TTC33: variants seen among roughly 807,000 people sequenced by gnomAD.
The protein encoded by TTC33 is tetratricopeptide repeat domain 33.
In TTC33, 24 loss-of-function variants were observed where a neutral mutation model predicts 29.4. The ratio of observed to expected loss-of-function variants is 0.82; its 90% CI spans 0.59 to 1.15. The LOEUF is 1.15. Ranked by LOEUF, TTC33 falls within the 50% of genes most tolerant of loss-of-function variation. TTC33 has a pLI of 0.00. For missense variants in TTC33, 286 were observed against 310.4 expected, an observed-to-expected ratio of 0.92 and a Z score of 0.59; for synonymous variants, 107 against 100.3, an observed-to-expected ratio of 1.07 and a Z score of -0.40.
At chr5:40,750,601 C>T (rs559562979) in intron 1 of TTC33, among the ~76,000 whole-genome samples, 21 of 152,102 alleles carry the variant, frequency 1.4e-4, no homozygotes, top group Non-Finnish European at 2.2e-4. Flanking sequence ...TTTGCTGCAT[C>T]GACTGATTCT....
At chr5:40,737,649 A>G (rs1579684637) in intron 2 of TTC33, among the ~76,000 whole-genome samples, 1 of 152,222 alleles carries the variant, frequency 6.6e-6, no homozygotes, top group Admixed American at 6.5e-5. Flanking sequence ...GAGTTTTGAG[A>G]AATGTATATA....
At chr5:40,747,902 T>C (rs1370048449) in intron 1 of TTC33, among the ~76,000 whole-genome samples, 3 of 152,166 alleles carry the variant, frequency 2.0e-5, no homozygotes, top group African/African-American at 7.2e-5. Context: ...CTCGGATCAC[T>C]GCAACCTCTG....
At position 40,715,855 on chromosome 5, in the gene TTC33, A is replaced by T; in HGVS notation, c.*290T>A. On this transcript the variant is annotated 3_prime_UTR_variant, in exon 5 of 5. Transcript: ENST00000337702. ...TTCACTATTCAAGAATACATTTTTCAAGTTTTGTCTTTAAAATGTATTCAT... is the reference window on the plus strand; with the variant it reads ...TTCACTATTCAAGAATACATTTTTCTAGTTTTGTCTTTAAAATGTATTCAT... 3.6e-6 allele frequency: 1 copy of T among 281,244 alleles called. No homozygotes were observed. 17.4% of individuals were successfully genotyped at this position (281,244 alleles called of 1,614,324 possible).
intron 4 of TTC33, among the ~76,000 whole-genome samples, chr5:40,723,910 A>T (rs1197873145): frequency 6.6e-6 from 1 of 152,188 alleles, no homozygotes; most frequent in African/African-American, 2.4e-5. Context: ...CAGTGAGGTT[A>T]TGGAGAAACT....
intron 4 of TTC33, among the ~76,000 whole-genome samples, chr5:40,724,017 A>G (rs748095719): frequency 6.6e-6 from 1 of 152,222 alleles, no homozygotes; most frequent in Non-Finnish European, 1.5e-5. Flanking sequence ...TAATAAAGCT[A>G]TCTCATTTCT....
intron 4 of TTC33, among the ~76,000 whole-genome samples, chr5:40,722,703 C>G (rs1260210355): frequency 6.6e-6 from 1 of 151,406 alleles, no homozygotes; most frequent in Non-Finnish European, 1.5e-5. Context: ...GGAGCGTCTC[C>G]GCCCGGCCAG....
At chr5:40,722,954 G>C (rs935080705) in intron 4 of TTC33, among the ~76,000 whole-genome samples, 1 of 152,210 alleles carries the variant, frequency 6.6e-6, no homozygotes, top group African/African-American at 2.4e-5. Context: ...ACAGCTCATT[G>C]AGAGCGGGCC....
chr5:40,745,931 T>A (rs1207562607), intron 2 of TTC33, among the ~76,000 whole-genome samples: 1 of 152,018 alleles, frequency 6.6e-6, no homozygotes, highest in African/African-American at 2.4e-5. Context: ...AGATTTGAAA[T>A]TTTTTCAAAA....
Position 40,746,823 on chromosome 5 carries a change from C to T in TTC33, c.196G>A (p.Gly66Arg), listed in dbSNP as rs1169982410. ...AEKSKQLKDE[G>R]ASLAENKRYR... The stretch of plus-strand genomic sequence containing the variant: ...CTTTTATTTTCAGCCAAACTGGCTC[C>T]TTCATCCTTCAGCTGTTTACTTTTC... Residue 66 changes from glycine to arginine, a missense_variant, in exon 2 of 5, where the codon GGA (glycine) becomes AGA (arginine). Coordinates refer to ENST00000337702, the MANE Select transcript of TTC33 (RefSeq NM_012382.3). The T allele has an allele frequency of 6.2e-7, 1 of 1,613,252 alleles. No homozygotes were observed. The highest frequency in any genetic ancestry group is 8.5e-7 in the Non-Finnish European group (1 of 1,179,802).
At chr5:40,731,251 G>A (rs904958258) in intron 2 of TTC33, among the ~76,000 whole-genome samples, 2 of 152,176 alleles carry the variant, frequency 1.3e-5, no homozygotes, top group African/African-American at 4.8e-5. Flanking sequence ...AGGTTGGACT[G>A]TTTGTCCAAT....
chr5:40,720,184 C>G (rs1177507379), intron 4 of TTC33, among the ~76,000 whole-genome samples: 2 of 151,974 alleles, frequency 1.3e-5, no homozygotes, highest in African/African-American at 4.8e-5. Context: ...ACTTTTAGTT[C>G]TTATGTTTAG....
chr5:40,755,791 T>G (rs1035359695), intron 1 of TTC33, 33 bp downstream of exon 1: 2 of 152,448 alleles, frequency 1.3e-5, no homozygotes, highest in African/African-American at 4.8e-5. Context: ...TCTTTCCCAC[T>G]GGAAGCAGAA....
At chr5:40,749,414 A>G (rs1287702946) in intron 1 of TTC33, among the ~76,000 whole-genome samples, 1 of 152,168 alleles carries the variant, frequency 6.6e-6, no homozygotes, top group Non-Finnish European at 1.5e-5. Context: ...CCACAAGGAG[A>G]TTTTGATCAA....
intron 2 of TTC33, among the ~76,000 whole-genome samples, chr5:40,732,194 T>A (rs1036211656): frequency 3.3e-5 from 5 of 152,062 alleles, no homozygotes; most frequent in Non-Finnish European, 7.4e-5. Context: ...ATTTTTTTAT[T>A]TTTGTAGAGA....
chr5:40,724,595 T>A (rs763322347), intron 4 of TTC33, among the ~76,000 whole-genome samples: 1 of 151,672 alleles, frequency 6.6e-6, no homozygotes, highest in Non-Finnish European at 1.5e-5. Flanking sequence ...ATCACACCAG[T>A]GCACTCCAGC....
chr5:40,728,628 G>A (rs940322631), intron 3 of TTC33, 152 bp from the exon 4 acceptor site: 6 of 632,052 alleles, frequency 9.5e-6, no homozygotes, highest in Admixed American at 6.9e-5. Context: ...TTCAGGGTAA[G>A]AAATTATAGT....
intron 4 of TTC33, among the ~76,000 whole-genome samples, chr5:40,725,197 AG>A (rs2111883855): frequency 6.9e-6 from 1 of 144,744 alleles, no homozygotes; most frequent in Admixed American, 7.1e-5. Context: ...CATGCTACCC[AG>A]GTTGGTCCAA....
chr5:40,717,673 G>A (rs1374634765), intron 4 of TTC33, among the ~76,000 whole-genome samples: 1 of 152,236 alleles, frequency 6.6e-6, no homozygotes, highest in Non-Finnish European at 1.5e-5. Flanking sequence ...TGCCCTCCAA[G>A]TGAGAATCAT....
chr5:40,736,755 T>G (rs1260780869), intron 2 of TTC33, among the ~76,000 whole-genome samples: 3 of 152,168 alleles, frequency 2.0e-5, no homozygotes, highest in Non-Finnish European at 4.4e-5. Context: ...CTATAAGATA[T>G]GTATCACCAT....
Sources: gnomAD v4.1 joint callset for allele counts (sites outside exome capture counted in the v4.1 genomes callset) on GRCh38, gnomAD v4.1.1 for gene constraint, MANE v1.5 for transcripts, NCBI Gene and HGNC (gene_info 2026-07-23, HGNC 2026-07-21) for gene names.